The following TLE2 variants were observed in gnomAD, a reference collection of about 807,000 sequenced individuals.
The protein encoded by TLE2 is transducin-like enhancer protein 2.
Under a neutral mutation model 97.2 loss-of-function variants are expected in TLE2, and 74 were observed. The observed-to-expected ratio is 0.76, with a 90% CI of 0.63 to 0.92. TLE2 has a LOEUF of 0.92. Ranked by LOEUF, TLE2 falls within the 40% of genes least tolerant of loss-of-function variation. The pLI is 0.00. For synonymous variants in TLE2, 499 were observed against 432.1 expected (o/e 1.15, Z -1.92); for missense variants, 1,038 against 1,008.7 (o/e 1.03, Z -0.39).
At chr19:3,033,222 C>G (rs896595864), upstream of TLE2, among the ~76,000 whole-genome samples, 2 of 151,962 alleles carry the variant, frequency 1.3e-5, no homozygotes, top group African/African-American at 4.8e-5. Context: ...GGCTGGAGTG[C>G]AGTGGTGCCA....
intron 4 of TLE2, 70 bp from the exon 5 acceptor site, chr19:3,025,152 C>G: frequency 6.9e-7 from 1 of 1,449,278 alleles, no homozygotes; most frequent in Non-Finnish European, 9.4e-7. Flanking sequence ...GACTCCCAGG[C>G]GGACCAGGTG....
intron 8 of TLE2, chr19:3,015,999 C>A (rs1319151240): frequency 1.7e-5 from 10 of 602,930 alleles, no homozygotes; most frequent in African/African-American, 3.6e-5. Context: ...TGCAGTGGAG[C>A]CATCTCGGCC....
intron 11 of TLE2, among the ~76,000 whole-genome samples, chr19:3,012,937 C>G (rs1191998244): frequency 6.6e-6 from 1 of 152,106 alleles, no homozygotes; most frequent in African/African-American, 2.4e-5. Context: ...TCCAATACAA[C>G]GGAGCTGACC....
At chr19:3,015,957 G>A in intron 8 of TLE2, 197 bp from the exon 9 acceptor site, 2 of 669,510 alleles carry the variant, frequency 3.0e-6, no homozygotes, top group East Asian at 5.7e-5. Flanking sequence ...TTTTGTTTTT[G>A]ACGGAGTCTT....
At position 3,029,037 on chromosome 19, in the gene TLE2, G is replaced by C; in HGVS notation, c.-133C>G. 6 of 1,475,424 alleles carry C rather than the reference G, an allele frequency of 4.1e-6. No homozygotes were observed. Among genetic ancestry groups the C allele is most frequent in the Non-Finnish European group, 5.4e-6 (6 of 1,114,526 alleles). 91.4% of individuals were successfully genotyped at this position (1,475,424 alleles called of 1,614,324 possible). On this transcript the variant is annotated 5_prime_UTR_variant, in exon 1 of 20. Transcript: ENST00000262953. Reference sequence around the variant, plus strand: ...AGGGAGGAGGGAGAAGCGGCGCGGGGCAAGGGACCCTGGAGTCCCTGGCGC... The same window carrying C: ...AGGGAGGAGGGAGAAGCGGCGCGGGCCAAGGGACCCTGGAGTCCCTGGCGC...
At chr19:2,998,238 TGTGTG>T (rs1568227307) in intron 19 of TLE2, among the ~76,000 whole-genome samples, 1 of 1,536 alleles carries the variant, frequency 6.5e-4, no homozygotes, top group Non-Finnish European at 4.3e-3. Context: ...GCCCGGCCAA[TGTGTG>T]TGTGTGTGTG....
chr19:3,028,131 G>A (rs939488597), intron 3 of TLE2, among the ~76,000 whole-genome samples, 188 bp downstream of exon 3: 2 of 152,066 alleles, frequency 1.3e-5, no homozygotes, highest in Admixed American at 1.3e-4. Flanking sequence ...CATCAGGCGA[G>A]GGGTCCTCCC....
chr19:2,999,679 A>G (rs2089307583), intron 19 of TLE2, among the ~76,000 whole-genome samples: 1 of 149,362 alleles, frequency 6.7e-6, no homozygotes, highest in Non-Finnish European at 1.5e-5. Flanking sequence ...GTAAGCAGAG[A>G]TAGTGCCGCT....
chr19:3,024,663 T>C (rs1371899629), intron 5 of TLE2, among the ~76,000 whole-genome samples: 1 of 151,996 alleles, frequency 6.6e-6, no homozygotes, highest in East Asian at 1.9e-4. Flanking sequence ...ACTTCACACC[T>C]ACGCTACTGA....
chr19:3,026,065 T>G (rs188375693), intron 4 of TLE2, among the ~76,000 whole-genome samples: 324 of 152,160 alleles, frequency 2.1e-3, no homozygotes, highest in Non-Finnish European at 3.5e-3. Flanking sequence ...GCTCAGAAGT[T>G]TGGGACCCCT....
At chr19:3,011,407 C>T (rs1179929051) in intron 11 of TLE2, among the ~76,000 whole-genome samples, 1 of 151,636 alleles carries the variant, frequency 6.6e-6, no homozygotes, top group Non-Finnish European at 1.5e-5. Flanking sequence ...TGGCATGTGC[C>T]TGTGATCCCA....
upstream of TLE2, among the ~76,000 whole-genome samples, chr19:3,029,843 C>T (rs1010633147): frequency 1.3e-5 from 2 of 152,148 alleles, no homozygotes; most frequent in East Asian, 1.9e-4. Context: ...GTTGCCCAGG[C>T]TGGAGTACAG....
In TLE2 at chr19:2,999,599, T is replaced by C. The variant is rs1165420962; in HGVS notation, c.2124+1048A>G. 4.0e-5 allele frequency among the ~76,000 whole-genome samples: 6 copies of C among 151,286 alleles called. No homozygotes were observed. In the South Asian group the frequency reaches 1.2e-3, roughly 32 times the overall value. ...AAAATTAGCCAGGTGTGGTGGCGGGTACCTGGAGTCCCAGCTACTCGGGAG... is the reference window on the plus strand; with the variant it reads ...AAAATTAGCCAGGTGTGGTGGCGGGCACCTGGAGTCCCAGCTACTCGGGAG... On this transcript the variant is annotated intron_variant, in intron 19 of 19. Transcript: ENST00000262953.
intron 16 of TLE2, 27 bp from the exon 17 acceptor site, chr19:3,005,611 A>C (rs1200529338): frequency 6.2e-7 from 1 of 1,612,316 alleles, no homozygotes; most frequent in Admixed American, 1.7e-5. Flanking sequence ...CCAGGCGTCC[A>C]TCCTGGAATT....
intron 5 of TLE2, among the ~76,000 whole-genome samples, chr19:3,024,221 G>C (rs1028336646): frequency 1.1e-4 from 16 of 151,452 alleles, no homozygotes; most frequent in African/African-American, 3.9e-4. Context: ...GGACAGGCTG[G>C]TCTCGAACTC....
At chr19:3,026,590 TCTGAACCCTGAGGTCA>T in intron 4 of TLE2, among the ~76,000 whole-genome samples, 1 of 143,272 alleles carries the variant, frequency 7.0e-6, no homozygotes, top group East Asian at 2.1e-4. Flanking sequence ...GAGGTCTATC[TCTGAACCCTGAGGTCA>T]ATCTCAGAAC....
chr19:3,027,872 T>C lies in TLE2; in HGVS notation c.188A>G (p.Tyr63Cys), dbSNP rs1188970984. Residue 63 changes from tyrosine to cysteine, a missense_variant and splice_region_variant, in exon 4 of 20, where the codon TAT (tyrosine) becomes TGT (cysteine). Tyr to Cys is a radical substitution (Grantham distance 194, BLOSUM62 -2). Coordinates refer to ENST00000262953, the MANE Select transcript of TLE2 (RefSeq NM_003260.5). Reference sequence around the variant, plus strand: ...GTTGAGCCCGTACGACATCTCATAATACTGCAAAGGAAAAACCAAGTAAGA... The same window carrying C: ...GTTGAGCCCGTACGACATCTCATAACACTGCAAAGGAAAAACCAAGTAAGA... Reference protein sequence around the residue: ...KTEMQRHYVMYYEMSYGLNIE... With the variant: ...KTEMQRHYVMCYEMSYGLNIE... 1.9e-6 allele frequency: 3 copies of C among 1,610,424 alleles called. No homozygotes were observed. Among genetic ancestry groups the C allele is most frequent in the Non-Finnish European group, 1.7e-6 (2 of 1,178,552 alleles).
chr19:3,040,114 CAGCA>C (rs1472865032), intron 1 of TLE2, among the ~76,000 whole-genome samples: 1 of 152,130 alleles, frequency 6.6e-6, no homozygotes, highest in African/African-American at 2.4e-5. Flanking sequence ...CTGGTCATTG[CAGCA>C]ACCCCATCAC....
At chr19:3,008,642 G>A (rs1003049341) in intron 14 of TLE2, among the ~76,000 whole-genome samples, 3 of 152,142 alleles carry the variant, frequency 2.0e-5, no homozygotes, top group South Asian at 2.1e-4. Flanking sequence ...GCAGAGACAT[G>A]GTTTTGCCAT....
Sources: allele counts gnomAD v4.1 joint callset (sites outside exome capture counted in the v4.1 genomes callset), GRCh38; gene constraint gnomAD v4.1.1; transcripts MANE v1.5; gene names NCBI Gene and HGNC (gene_info 2026-07-23, HGNC 2026-07-21).